Variants in TRPS1 observed in about 807,000 individuals in gnomAD.
TRPS1 encodes zinc finger transcription factor Trps1.
In TRPS1, 6 loss-of-function variants were observed where a neutral mutation model predicts 101.2. The ratio of observed to expected loss-of-function variants is 0.06; its 90% confidence interval spans 0.03 to 0.12. TRPS1 has a LOEUF of 0.12. TRPS1 is among the 10% of genes least tolerant of loss of function. The pLI is 1.00. For missense variants in TRPS1, 1,363 were observed against 1,567.0 expected (o/e 0.87, Z 2.20); for synonymous variants, 578 against 589.8 (o/e 0.98, Z 0.29).
In TRPS1 at chr8:115,601,774, T is replaced by C. The variant is rs1475261823; in HGVS notation, c.2096+2099A>G. Among the ~76,000 whole-genome samples the C allele has an allele frequency of 3.3e-5, 5 of 152,316 alleles. No homozygotes were observed. In the South Asian group the frequency reaches 1.0e-3, roughly 32 times the overall value. On this transcript the variant is annotated intron_variant, in intron 4 of 6. Transcript: ENST00000395715. ...GTGAAGCATTAAAATGTAACTCACC[T>C]GGAAATCTCAGCTTATTCATAACTA...
intron 6 of TRPS1, among the ~76,000 whole-genome samples, chr8:115,417,009 T>C (rs918744165): frequency 2.0e-5 from 3 of 152,146 alleles, no homozygotes; most frequent in African/African-American, 7.2e-5. Flanking sequence ...CAATGTATGG[T>C]TTTTTAAAAA....
intron 5 of TRPS1, among the ~76,000 whole-genome samples, chr8:115,487,801 G>A (rs894033819): frequency 6.6e-6 from 1 of 152,150 alleles, no homozygotes. Context: ...CAAAAAAAGT[G>A]GTTTCTAAGA....
chr8:115,642,169 G>C (rs1006794417), intron 1 of TRPS1, among the ~76,000 whole-genome samples: 1 of 150,636 alleles, frequency 6.6e-6, no homozygotes, highest in Admixed American at 6.6e-5. Context: ...AGCTATGATC[G>C]CACCACAGGA....
At position 115,411,796 on chromosome 8, in the gene TRPS1, CTTT is replaced by C. The variant is rs1257374248; in HGVS notation, c.*2224_*2226del. 1.3e-5 allele frequency: 2 copies of C among 152,046 alleles called. No individual in the cohort carries two copies. The highest frequency in any genetic ancestry group is 1.9e-4 in the East Asian group (1 of 5,172). 9.4% of individuals were successfully genotyped at this position (152,046 alleles called of 1,614,324 possible). On this transcript the variant is annotated 3_prime_UTR_variant, in exon 7 of 7. Coordinates refer to ENST00000395715, the MANE Select transcript of TRPS1 (RefSeq NM_014112.5). ...TTCTGTCTCTTGCTTTCTCTTTTCTCTTTTTTTAATATGCAAACAAAAAAATGC... is the reference window on the plus strand; with the variant it reads ...TTCTGTCTCTTGCTTTCTCTTTTCTCTTTTAATATGCAAACAAAAAAATGC...
Position 115,604,123 on chromosome 8 carries a change from A to C in TRPS1, c.1846T>G (p.Ser616Ala). ...SHCALLLLHL[S>A]PGAAGSSRVK... ...CGCGAGCTTCCAGCCGCCCCAGGAG[A>C]CAAGTGCAGAAGCAAGAGTGCACAG... The change falls in exon 4 of 7, where the codon TCT becomes GCT. Residue 616 changes from serine (S) to alanine (A), a missense_variant. Transcript: ENST00000395715. This position sits in a 1 kb window ranked among gnomAD's most constrained non-coding sequence, Gnocchi z 4.1. 1 of 1,614,112 alleles carries C rather than the reference A, an allele frequency of 6.2e-7. No individual in the cohort carries two copies. Among genetic ancestry groups the C allele is most frequent in the Non-Finnish European group, 8.5e-7 (1 of 1,180,016 alleles).
chr8:115,606,181 C>T (rs973796216), intron 3 of TRPS1, among the ~76,000 whole-genome samples: 5 of 152,150 alleles, frequency 3.3e-5, no homozygotes, highest in African/African-American at 7.2e-5. Context: ...CTCAAAATCA[C>T]GTAAAGGCTC....
chr8:115,543,162 G>T (rs775801637), intron 5 of TRPS1, among the ~76,000 whole-genome samples: 2 of 152,124 alleles, frequency 1.3e-5, no homozygotes, highest in Non-Finnish European at 2.9e-5. Flanking sequence ...GGGAAAATAA[G>T]TAAGTGGGCT....
chr8:115,455,614 C>T (rs144594534), intron 5 of TRPS1, among the ~76,000 whole-genome samples: 406 of 152,230 alleles, frequency 2.7e-3, no homozygotes, highest in African/African-American at 9.5e-3. Context: ...ATACTGAACT[C>T]ATTTTCTAGA....
chr8:115,535,135 A>G (rs1312211555), intron 5 of TRPS1, among the ~76,000 whole-genome samples: 2 of 148,178 alleles, frequency 1.3e-5, no homozygotes, highest in Non-Finnish European at 3.0e-5. Flanking sequence ...TAGCATATAT[A>G]TAGCATATAT....
At chr8:115,632,170 T>C (rs1426555422) in intron 1 of TRPS1, among the ~76,000 whole-genome samples, 1 of 152,156 alleles carries the variant, frequency 6.6e-6, no homozygotes, top group African/African-American at 2.4e-5. Flanking sequence ...ATGTATGTTT[T>C]ATACATGAAC....
At chr8:115,478,889 A>G (rs529088541) in intron 5 of TRPS1, among the ~76,000 whole-genome samples, 13 of 146,788 alleles carry the variant, frequency 8.9e-5, no homozygotes, top group Admixed American at 5.5e-4. Context: ...GTATATATGT[A>G]TGTGTATATA....
At chr8:115,640,220 T>A (rs931568818) in intron 1 of TRPS1, among the ~76,000 whole-genome samples, 8 of 152,224 alleles carry the variant, frequency 5.3e-5, no homozygotes, top group African/African-American at 1.7e-4. Flanking sequence ...GGATTATTAA[T>A]TTTATGTACC....
At chr8:115,655,857 A>G (rs962870998) in intron 1 of TRPS1, among the ~76,000 whole-genome samples, 3 of 152,236 alleles carry the variant, frequency 2.0e-5, no homozygotes, top group South Asian at 2.1e-4. Context: ...CGTTAACAAG[A>G]TTCAAAATCA....
intron 5 of TRPS1, among the ~76,000 whole-genome samples, chr8:115,510,215 C>T (rs1329766899): frequency 1.3e-5 from 2 of 151,966 alleles, no homozygotes; most frequent in African/African-American, 4.8e-5. Context: ...AGCAAACCAA[C>T]CTGTGTCATA....
At chr8:115,441,171 G>A (rs1813584355) in intron 5 of TRPS1, among the ~76,000 whole-genome samples, 1 of 152,172 alleles carries the variant, frequency 6.6e-6, no homozygotes, top group African/African-American at 2.4e-5. Context: ...GTTTTAAGTT[G>A]TAAATACACC....
intron 5 of TRPS1, among the ~76,000 whole-genome samples, chr8:115,457,930 G>A (rs1357469729): frequency 6.6e-6 from 1 of 152,162 alleles, no homozygotes; most frequent in Non-Finnish European, 1.5e-5. Flanking sequence ...GTTAGGTGTA[G>A]ACATCTGCAG....
intron 1 of TRPS1, chr8:115,661,540 T>TA (rs1024764890): frequency 5.3e-5 from 8 of 152,032 alleles, no homozygotes; most frequent in Non-Finnish European, 1.2e-4. Flanking sequence ...GACAAGCTAC[T>TA]AAAAAATTAC....
intron 5 of TRPS1, among the ~76,000 whole-genome samples, chr8:115,567,188 A>G (rs1046242525): frequency 1.3e-5 from 2 of 152,150 alleles, no homozygotes; most frequent in Admixed American, 6.6e-5. Flanking sequence ...AAAAAGATTC[A>G]CCACATGTTG....
intron 1 of TRPS1, among the ~76,000 whole-genome samples, chr8:115,647,773 G>A (rs1410066704): frequency 6.6e-6 from 1 of 151,942 alleles, no homozygotes; most frequent in Non-Finnish European, 1.5e-5. Flanking sequence ...TAAAAAATGG[G>A]CAATTTTGTT....
Sources: allele counts gnomAD v4.1 joint callset (sites outside exome capture counted in the v4.1 genomes callset), GRCh38; gene constraint gnomAD v4.1.1; non-coding constraint Gnocchi (gnomAD v3.1); transcripts MANE v1.5; gene names NCBI Gene and HGNC (gene_info 2026-07-23, HGNC 2026-07-21).